The following FAF1 variants were observed in gnomAD, a reference collection of about 807,000 sequenced individuals.
FAF1 encodes the protein Fas associated factor 1, also known as FAS-associated factor 1.
In FAF1, 25 loss-of-function variants were observed where a neutral mutation model predicts 92.5. That is an observed-to-expected ratio of 0.27 (90% CI 0.20 to 0.38). FAF1 has a LOEUF of 0.38. Ranked by LOEUF, FAF1 falls within the 10% of genes least tolerant of loss-of-function variation. The pLI is 1.00. For missense variants in FAF1, 636 were observed against 793.3 expected, an observed-to-expected ratio of 0.80 and a Z score of 2.38; for synonymous variants, 234 against 273.2, an observed-to-expected ratio of 0.86 and a Z score of 1.42.
intron 7 of FAF1, among the ~76,000 whole-genome samples, chr1:50,671,783 G>A (rs752492573): frequency 4.7e-5 from 7 of 149,586 alleles, no homozygotes; most frequent in Non-Finnish European, 8.9e-5. Flanking sequence ...AGGCTGGAGT[G>A]CAGTGGTGCC....
chr1:50,570,788 A>T (rs1353351224), intron 12 of FAF1, among the ~76,000 whole-genome samples: 1 of 152,240 alleles, frequency 6.6e-6, no homozygotes, highest in Non-Finnish European at 1.5e-5. Flanking sequence ...AATCTGATTA[A>T]ATTACAGTCA....
In FAF1 at chr1:50,609,105, C is replaced by CA. The variant is rs1652575236; in HGVS notation, c.745-12890dup. 3.3e-5 allele frequency among the ~76,000 whole-genome samples: 5 copies of CA among 152,312 alleles called. No individual in the cohort carries two copies. In the South Asian group the frequency reaches 1.0e-3, roughly 32 times the overall value. ...TAGTTACTGAACAACCACAATGTGT[C>CA]AAGACCTCAGCTGAGTGCTAGAGAT... is the stretch of plus-strand genomic sequence containing the variant. On this transcript the variant is annotated intron_variant, in intron 8 of 18. Coordinates refer to ENST00000396153, the MANE Select transcript of FAF1 (RefSeq NM_007051.3).
At chr1:50,520,721 G>C (rs375674050) in intron 15 of FAF1, among the ~76,000 whole-genome samples, 1 of 152,054 alleles carries the variant, frequency 6.6e-6, no homozygotes, top group African/African-American at 2.4e-5. Context: ...GGTGGTGCAC[G>C]CCTGTAGTCC....
chr1:50,949,587 C>T (rs902688549), intron 1 of FAF1, among the ~76,000 whole-genome samples: 1 of 152,216 alleles, frequency 6.6e-6, no homozygotes, highest in African/African-American at 2.4e-5. Flanking sequence ...GCAGGACATG[C>T]AGTCAACTAC....
At chr1:50,554,491 GTCA>G (rs1175271597) in intron 13 of FAF1, among the ~76,000 whole-genome samples, 1 of 151,190 alleles carries the variant, frequency 6.6e-6, no homozygotes, top group Non-Finnish European at 1.5e-5. Context: ...GGTTGTAGTT[GTCA>G]TCATGTAGTT....
At chr1:50,915,313 T>C (rs1644912000) in intron 1 of FAF1, among the ~76,000 whole-genome samples, 1 of 145,864 alleles carries the variant, frequency 6.9e-6, no homozygotes, top group South Asian at 2.1e-4. Context: ...GAGGTTGCAG[T>C]GAGCCAAGAT....
intron 18 of FAF1, among the ~76,000 whole-genome samples, chr1:50,465,067 G>C (rs1426671701): frequency 1.3e-5 from 2 of 152,142 alleles, no homozygotes; most frequent in Non-Finnish European, 2.9e-5. Flanking sequence ...TTCATTCCAT[G>C]TTAATTCATC....
At chr1:50,711,565 G>C (rs941233565) in intron 6 of FAF1, among the ~76,000 whole-genome samples, 9 of 149,278 alleles carry the variant, frequency 6.0e-5, no homozygotes, top group Non-Finnish European at 1.2e-4. Flanking sequence ...CACCTCCCAG[G>C]TTCAAGCGAT....
At chr1:50,755,662 T>A (rs776039857) in intron 4 of FAF1, among the ~76,000 whole-genome samples, 2 of 152,156 alleles carry the variant, frequency 1.3e-5, no homozygotes, top group Non-Finnish European at 2.9e-5. Flanking sequence ...GCAGAGGCCC[T>A]CCAGGAGTGC....
intron 4 of FAF1, among the ~76,000 whole-genome samples, chr1:50,753,326 C>T (rs1046933340): frequency 6.6e-6 from 1 of 152,208 alleles, no homozygotes; most frequent in Non-Finnish European, 1.5e-5. Flanking sequence ...CATATCATTG[C>T]AGGTAACAAT....
At chr1:50,885,622 GTT>G (rs1644655461) in intron 1 of FAF1, among the ~76,000 whole-genome samples, 1 of 152,042 alleles carries the variant, frequency 6.6e-6, no homozygotes, top group African/African-American at 2.4e-5. Context: ...TTTGGGTCTT[GTT>G]TTTGTATCCA....
chr1:50,788,675 C>G (rs1661449772), intron 3 of FAF1, among the ~76,000 whole-genome samples: 1 of 152,104 alleles, frequency 6.6e-6, no homozygotes, highest in Non-Finnish European at 1.5e-5. Flanking sequence ...GTATCTTTTT[C>G]CATTTTGCCA....
intron 1 of FAF1, among the ~76,000 whole-genome samples, chr1:50,861,707 A>G (rs1237966932): frequency 6.6e-6 from 1 of 151,904 alleles, no homozygotes; most frequent in African/African-American, 2.4e-5. Context: ...ATAAAAATAA[A>G]AAGTTATTTA....
In FAF1 at chr1:50,583,158, T is replaced by C. The variant is rs1651066148; in HGVS notation, c.1032-459A>G. Reference sequence around the variant, plus strand: ...CACCAAATTGAGGATTAAACATTAATTCTCTTTATATTTGAATACCTCAGC... The same window carrying C: ...CACCAAATTGAGGATTAAACATTAACTCTCTTTATATTTGAATACCTCAGC... On this transcript the variant is annotated intron_variant, in intron 11 of 18. Coordinates refer to ENST00000396153, the MANE Select transcript of FAF1 (RefSeq NM_007051.3). This position sits in a 1 kb window ranked among gnomAD's most constrained non-coding sequence, Gnocchi z 4.2. 6.6e-6 allele frequency among the ~76,000 whole-genome samples: 1 copy of C among 151,836 alleles called. No individual in the cohort carries two copies. The highest frequency in any genetic ancestry group is 2.4e-5 in the African/African-American group (1 of 41,432).
intron 8 of FAF1, among the ~76,000 whole-genome samples, chr1:50,623,688 T>TC (rs1326328302): frequency 6.6e-6 from 1 of 151,832 alleles, no homozygotes; most frequent in African/African-American, 2.4e-5. Flanking sequence ...ATGCCTGTAA[T>TC]CCCAGCACTT....
At chr1:50,663,114 A>C (rs1198335620) in intron 7 of FAF1, among the ~76,000 whole-genome samples, 1 of 151,868 alleles carries the variant, frequency 6.6e-6, no homozygotes, top group Non-Finnish European at 1.5e-5. Flanking sequence ...AATTAAAAAG[A>C]AGCTAAATTT....
chr1:50,899,231 A>T (rs1283170108), intron 1 of FAF1, among the ~76,000 whole-genome samples: 1 of 152,164 alleles, frequency 6.6e-6, no homozygotes, highest in African/African-American at 2.4e-5. Context: ...GACTTTTCAC[A>T]TGTTCCATAT....
rs11205758 is a variant in FAF1 at position 50,685,496 on chromosome 1, A to C, written c.657+20290T>G. On this transcript the variant is annotated intron_variant, in intron 7 of 18. Coordinates refer to ENST00000396153, the MANE Select transcript of FAF1 (RefSeq NM_007051.3). ...CAGAGAAAGCACTACAAATCATAAA[A>C]TGGGGAAAAGCAATGACCTTACTGT... Among the ~76,000 whole-genome samples the C allele has an allele frequency of 2.5e-3, 375 of 152,326 alleles. 3 individuals carry two copies. The highest frequency in any genetic ancestry group is 8.5e-3 in the African/African-American group (355 of 41,576).
chr1:50,726,943 A>G (rs1444221746), intron 6 of FAF1, among the ~76,000 whole-genome samples: 4 of 152,258 alleles, frequency 2.6e-5, no homozygotes, highest in Non-Finnish European at 5.9e-5. Context: ...TTATCAAGAC[A>G]TTTCTTCAGT....
Sources: allele counts gnomAD v4.1 joint callset (sites outside exome capture counted in the v4.1 genomes callset), GRCh38; gene constraint gnomAD v4.1.1; non-coding constraint Gnocchi (gnomAD v3.1); transcripts MANE v1.5; gene names NCBI Gene and HGNC (gene_info 2026-07-23, HGNC 2026-07-21).